Variants in DLGAP1 observed in about 807,000 individuals in gnomAD.
DLGAP1 encodes the protein DLG associated protein 1.
In DLGAP1, 11 loss-of-function variants were observed where a neutral mutation model predicts 90.8. The observed-to-expected ratio is 0.12, with a 90% CI of 0.08 to 0.20. DLGAP1 has a LOEUF of 0.20. Ranked by LOEUF, DLGAP1 falls within the 10% of genes least tolerant of loss-of-function variation. The pLI, the probability that DLGAP1 is intolerant of heterozygous loss-of-function variation, is 1.00. For missense variants in DLGAP1, 1,050 were observed against 1,333.8 expected, an observed-to-expected ratio of 0.79 and a Z score of 3.31; for synonymous variants, 558 against 540.7, an observed-to-expected ratio of 1.03 and a Z score of -0.44.
chr18:3,692,773 C>T (rs1273084982), intron 7 of DLGAP1, among the ~76,000 whole-genome samples: 1 of 152,350 alleles, frequency 6.6e-6, no homozygotes, highest in East Asian at 1.9e-4. Context: ...CTGTTATTAA[C>T]TTTTCTCATT....
intron 2 of DLGAP1, among the ~76,000 whole-genome samples, chr18:4,058,599 C>T (rs1391220985): frequency 6.6e-6 from 1 of 152,206 alleles, no homozygotes; most frequent in African/African-American, 2.4e-5. Flanking sequence ...GCACTTACCC[C>T]AATCCTCAAG....
chr18:3,877,185 A>T (rs181822378), intron 4 of DLGAP1, among the ~76,000 whole-genome samples: 2 of 152,372 alleles, frequency 1.3e-5, no homozygotes, highest in Admixed American at 6.5e-5. Context: ...CATTTGCTAT[A>T]GCATCTGGTA....
In DLGAP1 at chr18:3,879,684, C is replaced by G. The variant is rs540926615; in HGVS notation, c.385G>C (p.Glu129Gln). The change falls in exon 4 of 13, where the codon GAG becomes CAG. Residue 129 changes from glutamate (E) to glutamine (Q), a missense_variant. By Grantham distance (29) the Glu-to-Gln change is conservative. This residue lies in a region of DLGAP1 where 485 missense variants were observed against 454.1 expected (regional missense o/e 1.07). Transcript: ENST00000315677. The surrounding 1 kb of genome is among the most constrained non-coding windows in gnomAD (Gnocchi z 6.6). ...HTLQYKRTAV[E>Q]HRSDSPGRIR... ...CGGCCGGGGCTGTCGCTGCGGTGCT[C>G]CACGGCCGTGCGCTTGTACTGCAGG... is the stretch of plus-strand genomic sequence containing the variant. 1 of 1,607,446 alleles carries G rather than the reference C, an allele frequency of 6.2e-7. No individual in the cohort carries two copies. The highest frequency in any genetic ancestry group is 1.3e-5 in the African/African-American group (1 of 75,056).
At chr18:4,111,922 G>GT (rs908015136) in intron 2 of DLGAP1, among the ~76,000 whole-genome samples, 1 of 150,180 alleles carries the variant, frequency 6.7e-6, no homozygotes, top group African/African-American at 2.4e-5. Context: ...TTTTGTTTTT[G>GT]TTTTTTATTT....
chr18:4,139,004 C>T (rs62088898), intron 2 of DLGAP1, among the ~76,000 whole-genome samples: 14,658 of 151,836 alleles, frequency 0.097, 868 homozygotes, highest in East Asian at 0.19. Context: ...ATCTCTGATT[C>T]TATTTATTTG....
chr18:4,158,458 C>A lies in DLGAP1; in HGVS notation c.-266-7171G>T, dbSNP rs558187637. ...CCCTGGGCCCTGCAAATTATGTAGC[C>A]ATTAACATTCACCCTGATGTTATGA... On this transcript the variant is annotated intron_variant, in intron 1 of 12. Transcript: ENST00000315677. Among the ~76,000 whole-genome samples, 107 of 152,230 alleles carry A rather than the reference C, an allele frequency of 7.0e-4. 2 individuals carry two copies. Among genetic ancestry groups the A allele is most frequent in the Admixed American group, 7.0e-3 (107 of 15,284 alleles).
At chr18:3,782,847 C>G (rs567211901) in intron 5 of DLGAP1, among the ~76,000 whole-genome samples, 2 of 152,126 alleles carry the variant, frequency 1.3e-5, no homozygotes, top group South Asian at 4.2e-4. Context: ...CAAAGGACAC[C>G]TCAAGAAATT....
At chr18:3,993,765 G>A (rs2074014841) in intron 3 of DLGAP1, among the ~76,000 whole-genome samples, 1 of 152,110 alleles carries the variant, frequency 6.6e-6, no homozygotes, top group African/African-American at 2.4e-5. Context: ...TGGGATCACT[G>A]ACCAAGCTTC....
At chr18:3,837,744 TG>T (rs2068472057) in intron 4 of DLGAP1, among the ~76,000 whole-genome samples, 1 of 147,838 alleles carries the variant, frequency 6.8e-6, no homozygotes, top group African/African-American at 2.5e-5. Flanking sequence ...GCCAGCTATT[TG>T]GGGGGCTAAG....
At chr18:4,128,098 G>C (rs1004574861) in intron 2 of DLGAP1, among the ~76,000 whole-genome samples, 4 of 152,128 alleles carry the variant, frequency 2.6e-5, no homozygotes, top group Non-Finnish European at 4.4e-5. Context: ...TGTCACTAGA[G>C]AAAATCATGG....
chr18:4,272,227 T>G lies in DLGAP1; in HGVS notation c.-266-120940A>C, dbSNP rs2079300455. On this transcript the variant is annotated intron_variant, in intron 1 of 12. Transcript: ENST00000315677. The stretch of plus-strand genomic sequence containing the variant: ...CTACTTCTGTCATTAAAATTGCTTC[T>G]GAAGAACTGTCATCTACAAACTTAT... Among the ~76,000 whole-genome samples the G allele has an allele frequency of 2.0e-5, 3 of 152,342 alleles. No homozygotes were observed. The South Asian group carries it at 6.2e-4, about 32-fold the overall frequency.
chr18:4,423,465 A>T (rs1272444842), intron 1 of DLGAP1, among the ~76,000 whole-genome samples: 1 of 152,230 alleles, frequency 6.6e-6, no homozygotes, highest in African/African-American at 2.4e-5. Context: ...TTACAGAAAT[A>T]GTTTTCCTAA....
intron 5 of DLGAP1, among the ~76,000 whole-genome samples, chr18:3,751,945 G>A (rs1359825170): frequency 2.7e-5 from 4 of 148,180 alleles, no homozygotes; most frequent in African/African-American, 5.0e-5. Flanking sequence ...ATGCAGTGGC[G>A]CGATCTTGGC....
chr18:3,870,472 G>C (rs1429280062), intron 4 of DLGAP1, among the ~76,000 whole-genome samples: 1 of 152,062 alleles, frequency 6.6e-6, no homozygotes, highest in African/African-American at 2.4e-5. Context: ...GTAGCTTTTA[G>C]CGTATGTATC....
intron 1 of DLGAP1, among the ~76,000 whole-genome samples, chr18:4,389,242 G>C (rs922045226): frequency 6.6e-6 from 1 of 152,128 alleles, no homozygotes; most frequent in African/African-American, 2.4e-5. Context: ...ATTATACTAA[G>C]TAAAATAAGC....
rs145771025 is a variant in DLGAP1 at position 3,708,847 on chromosome 18, G to A, written c.1591+20288C>T. ...ATGACTTTCTGAAGCTTCTCTCCCA[G>A]GTGCACATTAGGTGGAAGGAAGAAG... On this transcript the variant is annotated intron_variant, in intron 7 of 12. Coordinates refer to ENST00000315677, the MANE Select transcript of DLGAP1 (RefSeq NM_004746.4). 2.8e-4 allele frequency among the ~76,000 whole-genome samples: 43 copies of A among 152,230 alleles called. 2 individuals are homozygous for A. The East Asian group carries it at 8.1e-3, about 29-fold the overall frequency.
At chr18:3,629,213 G>C (rs1193708107) in intron 7 of DLGAP1, among the ~76,000 whole-genome samples, 1 of 151,806 alleles carries the variant, frequency 6.6e-6, no homozygotes, top group Non-Finnish European at 1.5e-5. Context: ...AGGAGTTTGA[G>C]ACTAGCCTGG....
intron 9 of DLGAP1, 129 bp downstream of exon 9, chr18:3,567,361 T>C: frequency 1.4e-6 from 1 of 729,494 alleles, no homozygotes; most frequent in Non-Finnish European, 2.3e-6. Flanking sequence ...TGATTCAACT[T>C]CACCCTTTAA....
rs28550553 is a variant in DLGAP1, at chr18:3,635,191, C to G, written c.1592-52943G>C. ...TTTCACCCAGGCTGGAGTGCAGTGG[C>G]GGGATCTCGGCTCACTGCAAGCTCC... is the stretch of plus-strand genomic sequence containing the variant. On this transcript the variant is annotated intron_variant, in intron 7 of 12. Transcript: ENST00000315677. Among the ~76,000 whole-genome samples, 53 of 149,930 alleles carry G rather than the reference C, an allele frequency of 3.5e-4. 1 individual carries two copies. Among genetic ancestry groups the G allele is most frequent in the Admixed American group, 1.3e-3 (19 of 15,000 alleles).
Sources: allele counts gnomAD v4.1 joint callset (sites outside exome capture counted in the v4.1 genomes callset), GRCh38; gene constraint gnomAD v4.1.1; regional missense constraint gnomAD v4.1.1; non-coding constraint Gnocchi (gnomAD v3.1); transcripts MANE v1.5; gene names NCBI Gene and HGNC (gene_info 2026-07-23, HGNC 2026-07-21).